The following XRCC6 variants were observed in gnomAD, a reference collection of about 807,000 sequenced individuals.
XRCC6 encodes the protein X-ray repair cross complementing 6, also known as DNA repair protein Ku70.
XRCC6 carries 5 observed loss-of-function variants against 65.7 expected under a neutral mutation model. The observed-to-expected ratio is 0.08, with a 90% CI of 0.04 to 0.16. XRCC6 has a LOEUF of 0.16. XRCC6 is among the 10% of genes least tolerant of loss of function. The probability of loss-of-function intolerance (pLI) is 1.00; values close to 1 mark genes in which losing one functional copy is unlikely to be tolerated. For missense variants in XRCC6, 447 were observed against 738.1 expected (o/e 0.61, Z 4.57); for synonymous variants, 270 against 270.6 (o/e 1.00, Z 0.02).
intron 2 of XRCC6, among the ~76,000 whole-genome samples, chr22:41,623,364 C>T (rs866538317): frequency 6.6e-6 from 1 of 152,020 alleles, no homozygotes; most frequent in African/African-American, 2.4e-5. Flanking sequence ...TAGTCATGAG[C>T]CTCCATGCCC....
intron 2 of XRCC6, among the ~76,000 whole-genome samples, chr22:41,622,650 A>G (rs755845384): frequency 6.6e-6 from 1 of 152,172 alleles, no homozygotes; most frequent in Non-Finnish European, 1.5e-5. Flanking sequence ...TTTATTAAAA[A>G]TGAGAAACGG....
At chr22:41,661,497 T>A in intron 12 of XRCC6, 53 bp downstream of exon 12, 2 of 1,480,034 alleles carry the variant, frequency 1.4e-6, no homozygotes, top group Non-Finnish European at 1.9e-6. Context: ...GCTTTTATGA[T>A]AGTCTTATCA....
chr22:41,638,675 C>T (rs545827839), intron 6 of XRCC6, among the ~76,000 whole-genome samples: 107 of 148,994 alleles, frequency 7.2e-4, no homozygotes, highest in African/African-American at 2.6e-3. Flanking sequence ...GTCCCAGCTA[C>T]TCAGGAGGCT....
chr22:41,630,015 C>T (rs1218116498), intron 3 of XRCC6, among the ~76,000 whole-genome samples: 25 of 137,810 alleles, frequency 1.8e-4, no homozygotes, highest in African/African-American at 4.3e-4. Context: ...GTTGGAGTCT[C>T]GCTCTGTCAC....
intron 6 of XRCC6, among the ~76,000 whole-genome samples, chr22:41,646,217 C>G (rs987275001): frequency 1.3e-5 from 2 of 151,750 alleles, no homozygotes; most frequent in African/African-American, 4.8e-5. Context: ...GCAGGAGAAT[C>G]GCTTGAACCC....
Position 41,628,203 on chromosome 22 carries a change from G to T in XRCC6, c.168G>T (p.Glu56Asp), listed in dbSNP as rs764318806. The change falls in exon 3 of 13, where the codon GAG becomes GAT. Residue 56 changes from glutamate (E) to aspartate (D), a missense_variant. Glu to Asp is a conservative substitution (Grantham distance 45). Coordinates refer to ENST00000360079, the MANE Select transcript of XRCC6 (RefSeq NM_001469.5). Reference protein sequence around the residue: ...KAMFESQSEDELTPFDMSIQC... With the variant: ...KAMFESQSEDDLTPFDMSIQC... Reference sequence around the variant, plus strand: ...TGTTTGAATCTCAGAGTGAAGATGAGTTGACACCTTTTGACATGAGCATCC... The same window carrying T: ...TGTTTGAATCTCAGAGTGAAGATGATTTGACACCTTTTGACATGAGCATCC... 1 of 1,613,302 alleles carries T rather than the reference G, an allele frequency of 6.2e-7. No individual in the cohort carries two copies. Among genetic ancestry groups the T allele is most frequent in the Non-Finnish European group, 8.5e-7 (1 of 1,179,750 alleles).
In XRCC6 at chr22:41,661,360, C is replaced by G. The variant is rs1293845932; in HGVS notation, c.1552C>G (p.Leu518Val). The change falls in exon 12 of 13, where the codon CTG becomes GTG. Residue 518 changes from leucine to valine, a missense_variant. Physicochemically the swap from Leu to Val is conservative, Grantham distance 32. Coordinates refer to ENST00000360079, the MANE Select transcript of XRCC6 (RefSeq NM_001469.5). The part of the protein sequence containing the change: ...LPKVEAMNKR[L>V]GSLVDEFKEL... ...CAAGGTTGAAGCAATGAATAAAAGACTGGGCTCCTTGGTGGATGAGTTTAA... is the reference window on the plus strand; with the variant it reads ...CAAGGTTGAAGCAATGAATAAAAGAGTGGGCTCCTTGGTGGATGAGTTTAA... 1.2e-6 allele frequency: 2 copies of G among 1,613,926 alleles called. No individual in the cohort carries two copies.
intron 7 of XRCC6, 73 bp from the exon 8 acceptor site, chr22:41,650,650 T>G: frequency 6.6e-7 from 1 of 1,507,026 alleles, no homozygotes; most frequent in Admixed American, 1.8e-5. Flanking sequence ...AACTTGCTAG[T>G]GTCATCATCT....
intron 6 of XRCC6, among the ~76,000 whole-genome samples, chr22:41,646,681 CTTT>C (rs1208140406): frequency 6.6e-6 from 1 of 152,166 alleles, no homozygotes; most frequent in African/African-American, 2.4e-5. Context: ...GTAGTACGTT[CTTT>C]ATCATTGTTT....
At chr22:41,659,222 T>G (rs996147874) in intron 11 of XRCC6, among the ~76,000 whole-genome samples, 1 of 152,112 alleles carries the variant, frequency 6.6e-6, no homozygotes, top group Admixed American at 6.6e-5. Flanking sequence ...CCATTGTTAC[T>G]GTGGTGCCTG....
chr22:41,644,347 A>G (rs1467808914), intron 6 of XRCC6, among the ~76,000 whole-genome samples: 1 of 152,182 alleles, frequency 6.6e-6, no homozygotes, highest in Non-Finnish European at 1.5e-5. Flanking sequence ...GTGGCCCAAC[A>G]TATGATCTCT....
At chr22:41,654,669 A>AT (rs1335459525) in intron 9 of XRCC6, among the ~76,000 whole-genome samples, 1 of 152,108 alleles carries the variant, frequency 6.6e-6, no homozygotes, top group African/African-American at 2.4e-5. Context: ...GTTTCCTTTT[A>AT]TTTATCACGT....
At chr22:41,658,214 T>C in intron 10 of XRCC6, 38 bp from the exon 11 acceptor site, 1 of 1,600,862 alleles carries the variant, frequency 6.2e-7, no homozygotes, top group Non-Finnish European at 8.5e-7. Context: ...ATGTTTAAAT[T>C]GTCATGTTTC....
At chr22:41,646,619 T>G (rs533935810) in intron 6 of XRCC6, among the ~76,000 whole-genome samples, 1 of 152,286 alleles carries the variant, frequency 6.6e-6, no homozygotes, top group East Asian at 1.9e-4. Context: ...AAATCTGAAA[T>G]CTGAAACATT....
At chr22:41,660,181 A>T (rs1322969125) in intron 11 of XRCC6, among the ~76,000 whole-genome samples, 1 of 152,174 alleles carries the variant, frequency 6.6e-6, no homozygotes. Context: ...TGCCCATCTC[A>T]TCACCCTTGC....
At chr22:41,638,738 A>G (rs994702186) in intron 6 of XRCC6, among the ~76,000 whole-genome samples, 1 of 140,720 alleles carries the variant, frequency 7.1e-6, no homozygotes, top group Non-Finnish European at 1.5e-5. Flanking sequence ...AGATCATGCC[A>G]CTGCACTCCA....
Position 41,622,153 on chromosome 22 carries a change from T to C in XRCC6, c.82+67T>C. 3 of 1,537,246 alleles carry C rather than the reference T, an allele frequency of 2.0e-6. No homozygotes were observed. The South Asian group carries it at 3.4e-5, about 17-fold the overall frequency. On this transcript the variant is annotated intron_variant, in intron 2 of 12. Coordinates refer to ENST00000360079, the MANE Select transcript of XRCC6 (RefSeq NM_001469.5). Reference sequence around the variant, plus strand: ...AAAGACCTTCCCTGCCTATCTCTGCTGGATGGACTTTGCTGTTTGATGGCC... The same window carrying C: ...AAAGACCTTCCCTGCCTATCTCTGCCGGATGGACTTTGCTGTTTGATGGCC...
chr22:41,663,610 C>A lies in XRCC6; in HGVS notation c.1637-12C>A, dbSNP rs776781723. 1 of 1,608,992 alleles carries A rather than the reference C, an allele frequency of 6.2e-7. No individual in the cohort carries two copies. Among genetic ancestry groups the A allele is most frequent in the Non-Finnish European group, 8.5e-7 (1 of 1,176,106 alleles). On this transcript the variant is annotated splice_polypyrimidine_tract_variant and intron_variant, in intron 12 of 12. Coordinates refer to ENST00000360079, the MANE Select transcript of XRCC6 (RefSeq NM_001469.5). ...GCATTTCCAGTCACTCTCTCCTGAC[C>A]TTTCCCCCCAGATAATGAAGGTTCT...
rs1264956711 is a variant in XRCC6 at position 41,621,990 on chromosome 22, T to TGAGC, written c.-14_-11dup. 1 of 1,614,032 alleles carries TGAGC rather than the reference T, an allele frequency of 6.2e-7. No individual in the cohort carries two copies. The highest frequency in any genetic ancestry group is 8.5e-7 in the Non-Finnish European group (1 of 1,179,974). Reference sequence around the variant, plus strand: ...ACTGACGTTAACGTCTTTCGCCTAGTGAGCAGTAGCCAACATGTCAGGGTG... The same window carrying TGAGC: ...ACTGACGTTAACGTCTTTCGCCTAGTGAGCGAGCAGTAGCCAACATGTCAGGGTG... On this transcript the variant is annotated splice_region_variant and 5_prime_UTR_variant, in exon 2 of 13. Coordinates refer to ENST00000360079, the MANE Select transcript of XRCC6 (RefSeq NM_001469.5).
Sources: allele counts gnomAD v4.1 joint callset (sites outside exome capture counted in the v4.1 genomes callset), GRCh38; gene constraint gnomAD v4.1.1; transcripts MANE v1.5; gene names NCBI Gene and HGNC (gene_info 2026-07-23, HGNC 2026-07-21).